NSD3: variants seen among roughly 807,000 people sequenced by gnomAD.
The protein encoded by NSD3 is histone-lysine N-methyltransferase NSD3.
A neutral mutation model predicts 160.8 loss-of-function variants in NSD3; 24 were observed. The observed-to-expected ratio is 0.15, with a 90% confidence interval of 0.11 to 0.21. The LOEUF (loss-of-function observed/expected upper bound fraction) is 0.21. NSD3 is among the 10% of genes least tolerant of loss of function. The pLI is 1.00. For missense variants in NSD3, 1,157 were observed against 1,735.9 expected (o/e 0.67, Z 5.93); for synonymous variants, 520 against 600.0 (o/e 0.87, Z 1.95).
intron 7 of NSD3, among the ~76,000 whole-genome samples, chr8:38,323,441 AAAG>A (rs1809837884): frequency 6.6e-6 from 1 of 152,166 alleles, no homozygotes; most frequent in African/African-American, 2.4e-5. Flanking sequence ...TTCCAGATAT[AAAG>A]AAGTATAACC....
chr8:38,378,503 G>A (rs1013318666), intron 1 of NSD3, among the ~76,000 whole-genome samples: 65 of 152,206 alleles, frequency 4.3e-4, no homozygotes, highest in African/African-American at 1.6e-3. Context: ...TTAGCAGGGC[G>A]TGGTGGCGGG....
In NSD3 at chr8:38,275,544, A is replaced by T. The variant is rs1808577685; in HGVS notation, c.*97T>A. 6 of 1,233,220 alleles carry T rather than the reference A, an allele frequency of 4.9e-6. No homozygotes were observed. In the Admixed American group the frequency reaches 1.1e-4, roughly 22 times the overall value. 76.4% of individuals were successfully genotyped at this position (1,233,220 alleles called of 1,614,324 possible). A position where few individuals can be genotyped will look rare whatever the true frequency, so the allele number is the denominator to read the frequency against. ...TTTTTGCTTTAATAAGGCAGTTCCG[A>T]TGGCAAAGGCTGTATGCACTGTAGC... On this transcript the variant is annotated 3_prime_UTR_variant, in exon 24 of 24. Coordinates refer to ENST00000317025, the MANE Select transcript of NSD3 (RefSeq NM_023034.2).
intron 1 of NSD3, among the ~76,000 whole-genome samples, chr8:38,381,280 A>C (rs1811546200): frequency 6.7e-6 from 1 of 150,230 alleles, no homozygotes; most frequent in Non-Finnish European, 1.5e-5. Context: ...TTCCTAATCC[A>C]CCTTTTCCTT....
chr8:38,347,402 A>G, intron 2 of NSD3, 95 bp downstream of exon 2: 2 of 1,315,638 alleles, frequency 1.5e-6, no homozygotes, highest in Admixed American at 4.8e-5. Context: ...TATCAGACAG[A>G]TTCATATTTA....
Position 38,315,493 on chromosome 8 carries a change from C to T in NSD3, c.2038G>A (p.Val680Ile), listed in dbSNP as rs777473818. The T allele has an allele frequency of 8.7e-6, 14 of 1,613,216 alleles. No homozygotes were observed. Among genetic ancestry groups the T allele is most frequent in the East Asian group, 4.5e-5 (2 of 44,834 alleles). The part of the protein sequence containing the change: ...DSPSATADAD[V>I]SDVQSMDSSL... ...GAATCCATGGACTGCACATCAGAAA[C>T]GTCTGCATCTGCAGTAGCTGAAGGG... The change falls in exon 11 of 24, where the codon GTT becomes ATT. Residue 680 changes from valine to isoleucine, a missense_variant. Physicochemically the swap from Val to Ile is conservative, Grantham distance 29. Coordinates refer to ENST00000317025, the MANE Select transcript of NSD3 (RefSeq NM_023034.2).
chr8:38,352,080 C>T (rs547745211), intron 1 of NSD3, among the ~76,000 whole-genome samples: 35 of 150,820 alleles, frequency 2.3e-4, no homozygotes, highest in Admixed American at 6.6e-4. Context: ...ATAACAGAAT[C>T]ATTAACAATG....
chr8:38,307,135 A>AT (rs1554524056), intron 12 of NSD3, among the ~76,000 whole-genome samples: 16 of 93,658 alleles, frequency 1.7e-4, no homozygotes, highest in African/African-American at 2.8e-4. Context: ...AAAATAAAAT[A>AT]AAATAAATAA....
At position 38,293,922 on chromosome 8, in the gene NSD3, CAAAAAAAAAAAAAAAA is replaced by C. The variant is rs11290856; in HGVS notation, c.2915+1858_2915+1873del. ...TGGGTGACAGAGTGAGACTCCGTCTCAAAAAAAAAAAAAAAAAAAAAAAAAAAAAAAAGAGAAATAT... is the reference window on the plus strand; with the variant it reads ...TGGGTGACAGAGTGAGACTCCGTCTCAAAAAAAAAAAAAAAAGAGAAATAT... On this transcript the variant is annotated intron_variant, in intron 16 of 23. Coordinates refer to ENST00000317025, the MANE Select transcript of NSD3 (RefSeq NM_023034.2). Among the ~76,000 whole-genome samples, 20 of 49,938 alleles carry C rather than the reference CAAAAAAAAAAAAAAAA, an allele frequency of 4.0e-4. 1 individual carries two copies. The highest frequency in any genetic ancestry group is 3.6e-3 in the South Asian group (3 of 826). The allele number at this position is 49,938 out of a possible 152,430, so 32.8% of individuals were successfully genotyped here.
chr8:38,298,455 G>A (rs2131003438), intron 15 of NSD3, among the ~76,000 whole-genome samples: 1 of 152,124 alleles, frequency 6.6e-6, no homozygotes, highest in East Asian at 1.9e-4. Flanking sequence ...CACTTCAGAT[G>A]TCTGACAAAG....
chr8:38,272,659 G>GT lies in NSD3; in HGVS notation c.*2981dup, dbSNP rs1808510887. The stretch of plus-strand genomic sequence containing the variant: ...ACTTCTTCCTTCAACAAATTAACAT[G>GT]TGGTTAAAAAAAATACCACCATTAG... On this transcript the variant is annotated 3_prime_UTR_variant, in exon 24 of 24. Transcript: ENST00000317025. The GT allele has an allele frequency of 6.6e-6, 1 of 152,164 alleles. No homozygotes were observed. 9.4% of individuals were successfully genotyped at this position (152,164 alleles called of 1,614,324 possible). A position where few individuals can be genotyped will look rare whatever the true frequency, so the allele number is the denominator to read the frequency against.
At chr8:38,322,638 T>C (rs886526855) in intron 7 of NSD3, among the ~76,000 whole-genome samples, 1 of 152,236 alleles carries the variant, frequency 6.6e-6, no homozygotes, top group Admixed American at 6.5e-5. Context: ...TTCTGAAAGT[T>C]ACCCAAAGAA....
chr8:38,332,751 T>A (rs1414388382), intron 4 of NSD3, among the ~76,000 whole-genome samples: 1 of 152,026 alleles, frequency 6.6e-6, no homozygotes, highest in African/African-American at 2.4e-5. Context: ...TTTAAATAAT[T>A]AAGTTTGGTT....
At position 38,275,867 on chromosome 8, in the gene NSD3, G is replaced by A. The variant is rs1254358650; in HGVS notation, c.4088C>T (p.Pro1363Leu). Residue 1363 changes from proline (P) to leucine (L), a missense_variant, in exon 24 of 24, where the codon CCG becomes CTG. Pro to Leu is a moderately conservative substitution (Grantham distance 98). Coordinates refer to ENST00000317025, the MANE Select transcript of NSD3 (RefSeq NM_023034.2). ...GCTGCACTCATCGCACTGATGCCACGGACACTCCCACTTTCCTAATTCGGG... is the reference window on the plus strand; with the variant it reads ...GCTGCACTCATCGCACTGATGCCACAGACACTCCCACTTTCCTAATTCGGG... ...TQPPYGKWEC[P>L]WHQCDECSSA... 2 of 1,613,770 alleles carry A rather than the reference G, an allele frequency of 1.2e-6. No homozygotes were observed. Among genetic ancestry groups the A allele is most frequent in the Non-Finnish European group, 8.5e-7 (1 of 1,179,828 alleles).
At chr8:38,307,886 A>G (rs1324775157) in intron 12 of NSD3, among the ~76,000 whole-genome samples, 1 of 152,250 alleles carries the variant, frequency 6.6e-6, no homozygotes, top group Non-Finnish European at 1.5e-5. Context: ...TAAATTTAAA[A>G]TATTAACAAA....
chr8:38,322,967 G>A (rs1809823820), intron 7 of NSD3, among the ~76,000 whole-genome samples: 2 of 152,150 alleles, frequency 1.3e-5, no homozygotes, highest in South Asian at 2.1e-4. Context: ...AAAAGACAAG[G>A]TATGCTTATC....
chr8:38,278,274 G>A (rs902112620), intron 22 of NSD3, 32 bp downstream of exon 22: 1 of 1,601,142 alleles, frequency 6.2e-7, no homozygotes, highest in East Asian at 2.2e-5. Flanking sequence ...CTTATCGCCT[G>A]TTGACTGGGG....
At chr8:38,306,804 C>CGT (rs1585871981) in intron 12 of NSD3, among the ~76,000 whole-genome samples, 1 of 152,048 alleles carries the variant, frequency 6.6e-6, no homozygotes, top group East Asian at 1.9e-4. Context: ...TAAATGCTAA[C>CGT]TGAAACCAGT....
At chr8:38,292,705 C>T (rs1004869630) in intron 16 of NSD3, among the ~76,000 whole-genome samples, 3 of 152,054 alleles carry the variant, frequency 2.0e-5, no homozygotes, top group Non-Finnish European at 4.4e-5. Flanking sequence ...AGGAGAATGG[C>T]GTGAACCCGG....
Position 38,276,390 on chromosome 8 carries a change from T to C in NSD3, c.3978A>G (p.Gln1326=), listed in dbSNP as rs764079861. The part of the protein sequence containing the change: ...PKQMHEDYCF[Q]CGDGGELVMC... Reference sequence around the variant, plus strand: ...TGACCAGCTCTCCACCATCTCCACATTGAAAACAGTAATCTTCATGCATCT... The same window carrying C: ...TGACCAGCTCTCCACCATCTCCACACTGAAAACAGTAATCTTCATGCATCT... Residue 1326 remains glutamine, a synonymous_variant, in exon 23 of 24, where the codon CAA becomes CAG. Transcript: ENST00000317025. 16 of 1,614,132 alleles carry C rather than the reference T, an allele frequency of 9.9e-6. No individual in the cohort carries two copies. Among genetic ancestry groups the C allele is most frequent in the Non-Finnish European group, 1.3e-5 (15 of 1,180,048 alleles).
Sources: allele counts gnomAD v4.1 joint callset (sites outside exome capture counted in the v4.1 genomes callset), GRCh38; gene constraint gnomAD v4.1.1; transcripts MANE v1.5; gene names NCBI Gene and HGNC (gene_info 2026-07-23, HGNC 2026-07-21).